Variants in ITGA9 observed in about 807,000 individuals in gnomAD.
The protein encoded by ITGA9 is integrin subunit alpha 9, also known as integrin alpha-9.
A neutral mutation model predicts 127.8 loss-of-function variants in ITGA9; 56 were observed. The observed-to-expected ratio is 0.44, with a 90% CI of 0.35 to 0.55. The LOEUF is 0.55. Ranked by LOEUF, ITGA9 falls within the 20% of genes least tolerant of loss-of-function variation. The probability of loss-of-function intolerance (pLI) is 0.00; values close to 1 mark genes in which losing one functional copy is unlikely to be tolerated. For synonymous variants in ITGA9, 508 were observed against 514.5 expected (o/e 0.99, Z 0.17); for missense variants, 1,196 against 1,347.1 (o/e 0.89, Z 1.76).
At chr3:37,475,224 G>C (rs1169267641) in intron 3 of ITGA9, among the ~76,000 whole-genome samples, 3 of 152,254 alleles carry the variant, frequency 2.0e-5, no homozygotes, top group Admixed American at 6.5e-5. Flanking sequence ...AAGGGAAGAA[G>C]CTGACTCATC....
rs963890123 is a variant in ITGA9 at position 37,557,023 on chromosome 3, C to T, written c.1689+14438C>T. ...GAAGGACAGTGTTGTCAGCAGTCAA[C>T]TGACTGAGCTTGACTTTTCAGCAGT... On this transcript the variant is annotated intron_variant, in intron 15 of 27. Transcript: ENST00000264741. Among the ~76,000 whole-genome samples the T allele has an allele frequency of 3.8e-4, 58 of 152,332 alleles. 1 individual carries two copies. Among genetic ancestry groups the T allele is most frequent in the African/African-American group, 1.3e-3 (53 of 41,586 alleles).
intron 18 of ITGA9, among the ~76,000 whole-genome samples, chr3:37,731,075 A>C (rs560913728): frequency 6.6e-6 from 1 of 152,180 alleles, no homozygotes; most frequent in Non-Finnish European, 1.5e-5. Context: ...GCTACCAAAC[A>C]TCATTATCCG....
At chr3:37,490,739 G>A (rs1174520911) in intron 4 of ITGA9, among the ~76,000 whole-genome samples, 1 of 152,048 alleles carries the variant, frequency 6.6e-6, no homozygotes, top group Non-Finnish European at 1.5e-5. Context: ...TCTCTGAATT[G>A]CCTTCTGTTT....
At chr3:37,731,395 A>G (rs1559581196) in intron 18 of ITGA9, among the ~76,000 whole-genome samples, 1 of 152,194 alleles carries the variant, frequency 6.6e-6, no homozygotes, top group Non-Finnish European at 1.5e-5. Flanking sequence ...CTGTGTGAAT[A>G]ACACTGGCTA....
intron 16 of ITGA9, among the ~76,000 whole-genome samples, chr3:37,631,572 CTAA>C (rs1278425223): frequency 1.3e-5 from 2 of 152,116 alleles, no homozygotes; most frequent in South Asian, 2.1e-4. Flanking sequence ...AGGGCATCAG[CTAA>C]TAATAAGAGT....
intron 18 of ITGA9, among the ~76,000 whole-genome samples, chr3:37,702,619 T>C (rs1700959935): frequency 6.6e-6 from 1 of 152,062 alleles, no homozygotes; most frequent in Non-Finnish European, 1.5e-5. Flanking sequence ...TCTCTGGGGT[T>C]AAGCAGAGAA....
In ITGA9 at chr3:37,750,501, G is replaced by A. The variant is rs772957178; in HGVS notation, c.2473G>A (p.Val825Ile). ...CCCAAGCACCCTTCCAGGGTCATCT[G>A]TCAGCATCTCTTTCCCTAATCGACT... Reference protein sequence around the residue: ...TGPSTLPGSSVSISFPNRLSS... With the variant: ...TGPSTLPGSSISISFPNRLSS... Residue 825 changes from valine to isoleucine, a missense_variant, in exon 23 of 28, where the codon GTC becomes ATC. Physicochemically the swap from Val to Ile is conservative, Grantham distance 29 (BLOSUM62 3). Coordinates refer to ENST00000264741, the MANE Select transcript of ITGA9 (RefSeq NM_002207.3). 2.5e-6 allele frequency: 4 copies of A among 1,613,720 alleles called. No homozygotes were observed. The highest frequency in any genetic ancestry group is 2.5e-6 in the Non-Finnish European group (3 of 1,179,748).
At position 37,758,488 on chromosome 3, in the gene ITGA9, T is replaced by G. The variant is rs1460785413; in HGVS notation, c.2541+7919T>G. 4.0e-5 allele frequency among the ~76,000 whole-genome samples: 6 copies of G among 151,264 alleles called. No individual in the cohort carries two copies. In the South Asian group the frequency reaches 1.2e-3, roughly 31 times the overall value. The stretch of plus-strand genomic sequence containing the variant: ...TATATTATTATTAATAATAAAAGGA[T>G]TAAATGAAAAATAACCAAATGATAA... On this transcript the variant is annotated intron_variant, in intron 23 of 27. Transcript: ENST00000264741.
chr3:37,736,343 A>G (rs1042037702), intron 19 of ITGA9, among the ~76,000 whole-genome samples: 21 of 152,164 alleles, frequency 1.4e-4, no homozygotes, highest in African/African-American at 5.1e-4. Flanking sequence ...ACACTTCTCT[A>G]TCACCAGCAA....
At chr3:37,666,071 A>G (rs1302914665) in intron 17 of ITGA9, among the ~76,000 whole-genome samples, 1 of 152,202 alleles carries the variant, frequency 6.6e-6, no homozygotes, top group Non-Finnish European at 1.5e-5. Context: ...AAATAGACAC[A>G]TAATGCTGCA....
chr3:37,817,228 T>C (rs900600510), intron 27 of ITGA9, among the ~76,000 whole-genome samples: 2 of 152,214 alleles, frequency 1.3e-5, no homozygotes, highest in Admixed American at 1.3e-4. Context: ...ACACGTCTTA[T>C]ATGTGCATGC....
intron 17 of ITGA9, among the ~76,000 whole-genome samples, chr3:37,681,206 A>C (rs1700731354): frequency 6.6e-6 from 1 of 152,230 alleles, no homozygotes; most frequent in Non-Finnish European, 1.5e-5. Flanking sequence ...TGGTTAATTT[A>C]AGCAGAAAAG....
intron 18 of ITGA9, among the ~76,000 whole-genome samples, chr3:37,721,660 T>TAATC (rs929333614): frequency 1.1e-4 from 17 of 152,296 alleles, no homozygotes; most frequent in African/African-American, 3.8e-4. Flanking sequence ...AGTGCATGGG[T>TAATC]AATCACCTCT....
intron 15 of ITGA9, among the ~76,000 whole-genome samples, chr3:37,565,107 G>A (rs1273302530): frequency 1.3e-5 from 2 of 152,210 alleles, no homozygotes; most frequent in Non-Finnish European, 2.9e-5. Flanking sequence ...CATTTCTTAT[G>A]TCAGGTTCCC....
At chr3:37,801,731 G>C (rs1005413148) in intron 26 of ITGA9, among the ~76,000 whole-genome samples, 6 of 152,158 alleles carry the variant, frequency 3.9e-5, no homozygotes, top group African/African-American at 1.4e-4. Context: ...TTTGTCAAGG[G>C]CGGACTCTGT....
chr3:37,816,221 T>C (rs1697430997), intron 27 of ITGA9, among the ~76,000 whole-genome samples: 1 of 152,086 alleles, frequency 6.6e-6, no homozygotes, highest in Admixed American at 6.6e-5. Flanking sequence ...GTACTGGGGA[T>C]TGAAAGCACA....
intron 5 of ITGA9, among the ~76,000 whole-genome samples, chr3:37,495,423 G>T (rs1452893662): frequency 6.6e-6 from 1 of 152,128 alleles, no homozygotes; most frequent in African/African-American, 2.4e-5. Context: ...TTTGCCCTTC[G>T]TATCAGTTCC....
At chr3:37,789,460 T>C (rs1179340540) in intron 26 of ITGA9, among the ~76,000 whole-genome samples, 1 of 152,006 alleles carries the variant, frequency 6.6e-6, no homozygotes, top group East Asian at 1.9e-4. Flanking sequence ...GCTCAATATA[T>C]ATTAAGAGTA....
chr3:37,775,856 A>G (rs1696901033), intron 23 of ITGA9, among the ~76,000 whole-genome samples: 1 of 152,180 alleles, frequency 6.6e-6, no homozygotes, highest in Non-Finnish European at 1.5e-5. Flanking sequence ...AATATAAATC[A>G]TTCTACCGTA....
Sources: allele counts gnomAD v4.1 joint callset (sites outside exome capture counted in the v4.1 genomes callset), GRCh38; gene constraint gnomAD v4.1.1; transcripts MANE v1.5; gene names NCBI Gene and HGNC (gene_info 2026-07-23, HGNC 2026-07-21).